The following ACVR2A variants were observed in gnomAD, a reference collection of about 807,000 sequenced individuals.
ACVR2A encodes activin receptor type-2A.
In ACVR2A, 7 loss-of-function variants were observed where a neutral mutation model predicts 61.4. That is an observed-to-expected ratio of 0.11 (90% CI 0.06 to 0.21). ACVR2A has a LOEUF of 0.21. Among genes scored for constraint, ACVR2A ranks in the 10% least tolerant of loss-of-function variants. ACVR2A has a pLI of 1.00. For synonymous variants in ACVR2A, 193 were observed against 208.3 expected (o/e 0.93, Z 0.63); for missense variants, 322 against 621.7 (o/e 0.52, Z 5.13).
At chr2:147,884,856 A>G (rs1458500004) in intron 1 of ACVR2A, among the ~76,000 whole-genome samples, 1 of 152,014 alleles carries the variant, frequency 6.6e-6, no homozygotes, top group African/African-American at 2.4e-5. Flanking sequence ...TTGTTTTCTG[A>G]TTAATCTTTA....
chr2:147,915,908 GTGTTT>G (rs1467333801), intron 5 of ACVR2A, among the ~76,000 whole-genome samples: 7 of 151,722 alleles, frequency 4.6e-5, no homozygotes, highest in Admixed American at 2.0e-4. Context: ...AGCTATTCTT[GTGTTT>G]TGTTTTGTTC....
rs1160442702 is a variant in ACVR2A at position 147,928,562 on chromosome 2, A to T, written c.*1288A>T. On this transcript the variant is annotated 3_prime_UTR_variant, in exon 11 of 11. Transcript: ENST00000241416. ...ACTGCTTTAAAACAAATCAGGGATA[A>T]CAAATTAAACGTATAACTTAAAATA... 1 of 152,300 alleles carries T rather than the reference A, an allele frequency of 6.6e-6. No homozygotes were observed. The highest frequency in any genetic ancestry group is 1.5e-5 in the Non-Finnish European group (1 of 67,920). 9.4% of individuals were successfully genotyped at this position (152,300 alleles called of 1,614,324 possible).
chr2:147,922,639 CAAAA>C (rs960128624), intron 8 of ACVR2A, among the ~76,000 whole-genome samples: 4 of 151,516 alleles, frequency 2.6e-5, no homozygotes, highest in Admixed American at 6.6e-5. Flanking sequence ...GAAAAGACCT[CAAAA>C]AAAGTTTTTT....
In ACVR2A at chr2:147,896,396, T is replaced by C; in HGVS notation, c.151T>C (p.Tyr51His). 1 of 1,614,010 alleles carries C rather than the reference T, an allele frequency of 6.2e-7. No individual in the cohort carries two copies. Among genetic ancestry groups the C allele is most frequent in the African/African-American group, 1.3e-5 (1 of 75,028 alleles). ...RTNQTGVEPC[Y>H]GDKDKRRHCF... ...CAATCAAACTGGTGTTGAACCGTGT[T>C]ATGGTGACAAAGATAAACGGCGGCA... is the stretch of plus-strand genomic sequence containing the variant. The change falls in exon 2 of 11, where the codon TAT becomes CAT. Residue 51 changes from tyrosine (Y) to histidine (H), a missense_variant. By Grantham distance (83) the Tyr-to-His change is moderately conservative (BLOSUM62 2). Around this residue, in one of 3 missense-constraint regions of ACVR2A, gnomAD observed 142 missense variants for 200.3 expected, o/e 0.71. Coordinates refer to ENST00000241416, the MANE Select transcript of ACVR2A (RefSeq NM_001616.5).
At chr2:147,866,674 G>C (rs1685863513) in intron 1 of ACVR2A, among the ~76,000 whole-genome samples, 1 of 152,146 alleles carries the variant, frequency 6.6e-6, no homozygotes, top group Non-Finnish European at 1.5e-5. Flanking sequence ...GCTAGCGAGT[G>C]TTAACTTCAT....
At chr2:147,845,798 C>T (rs1253547174) in intron 1 of ACVR2A, among the ~76,000 whole-genome samples, 1 of 152,192 alleles carries the variant, frequency 6.6e-6, no homozygotes, top group Non-Finnish European at 1.5e-5. Flanking sequence ...GGAGTATTAA[C>T]TATAACCCAG....
rs1573692107 is a variant in ACVR2A at position 147,899,801 on chromosome 2, T to C, written c.431T>C (p.Leu144Ser). 1 of 1,613,820 alleles carries C rather than the reference T, an allele frequency of 6.2e-7. No individual in the cohort carries two copies. The highest frequency in any genetic ancestry group is 1.1e-5 in the South Asian group (1 of 91,070). ...TATTACAACATCCTGCTCTATTCCT[T>C]GGTGCCACTTATGTTAATTGCGGGG... ...PPYYNILLYS[L>S]VPLMLIAGIV... The change falls in exon 4 of 11, where the codon TTG becomes TCG. Residue 144 changes from leucine (L) to serine (S), a missense_variant. Physicochemically the swap from Leu to Ser is moderately radical, Grantham distance 145 (BLOSUM62 -2). Around this residue, in one of 3 missense-constraint regions of ACVR2A, gnomAD observed 142 missense variants for 200.3 expected, o/e 0.71. Coordinates refer to ENST00000241416, the MANE Select transcript of ACVR2A (RefSeq NM_001616.5).
chr2:147,845,000 GTTTTTTTTTTTT>G (rs368783685), upstream of ACVR2A: 23 of 109,424 alleles, frequency 2.1e-4, no homozygotes, highest in Non-Finnish European at 2.9e-4. Context: ...CCCAGTGAGC[GTTTTTTTTTTTT>G]TTTTTTTTTT....
At chr2:147,882,543 G>T (rs1686330837) in intron 1 of ACVR2A, among the ~76,000 whole-genome samples, 1 of 152,148 alleles carries the variant, frequency 6.6e-6, no homozygotes, top group South Asian at 2.1e-4. Context: ...AACAGAGTGA[G>T]ACTCTGTCTC....
chr2:147,857,628 A>G (rs1685617121), intron 1 of ACVR2A, among the ~76,000 whole-genome samples: 2 of 151,880 alleles, frequency 1.3e-5, no homozygotes, highest in South Asian at 4.1e-4. Context: ...GGGTTGATAT[A>G]GTAGAAAGAG....
intron 1 of ACVR2A, among the ~76,000 whole-genome samples, chr2:147,852,429 C>A (rs143824995): frequency 3.4e-3 from 511 of 152,150 alleles, no homozygotes; most frequent in East Asian, 8.3e-3. Context: ...GTTCAACAAT[C>A]CTTATTTCCT....
At chr2:147,913,922 A>G (rs1487116855) in intron 4 of ACVR2A, among the ~76,000 whole-genome samples, 1 of 149,192 alleles carries the variant, frequency 6.7e-6, no homozygotes, top group Non-Finnish European at 1.5e-5. Flanking sequence ...TTCTAAAGCC[A>G]TTTTATAAAG....
intron 1 of ACVR2A, among the ~76,000 whole-genome samples, chr2:147,867,309 G>A (rs1410925480): frequency 2.0e-5 from 3 of 152,160 alleles, no homozygotes; most frequent in East Asian, 1.9e-4. Flanking sequence ...AGCCAGAGTC[G>A]AGATGTTTCT....
intron 1 of ACVR2A, among the ~76,000 whole-genome samples, chr2:147,866,873 T>C (rs980136006): frequency 6.6e-6 from 1 of 152,092 alleles, no homozygotes; most frequent in East Asian, 1.9e-4. Flanking sequence ...ATTCAGCCAA[T>C]AGATGTACAG....
chr2:147,867,836 C>T (rs1293878161), intron 1 of ACVR2A, among the ~76,000 whole-genome samples: 1 of 152,088 alleles, frequency 6.6e-6, no homozygotes, highest in African/African-American at 2.4e-5. Flanking sequence ...CACTCACTGC[C>T]TCCCACTTTA....
intron 1 of ACVR2A, among the ~76,000 whole-genome samples, chr2:147,858,133 G>A (rs993559877): frequency 6.6e-6 from 1 of 152,096 alleles, no homozygotes. Context: ...TGCGAAGGAC[G>A]TGCTCTCGTT....
At chr2:147,892,977 C>A (rs1380019456) in intron 1 of ACVR2A, among the ~76,000 whole-genome samples, 3 of 151,886 alleles carry the variant, frequency 2.0e-5, no homozygotes, top group South Asian at 4.2e-4. Flanking sequence ...ATATATGAAC[C>A]ATACATATTA....
chr2:147,848,423 CGG>C (rs1685369184), intron 1 of ACVR2A, among the ~76,000 whole-genome samples: 1 of 151,952 alleles, frequency 6.6e-6, no homozygotes, highest in Non-Finnish European at 1.5e-5. Context: ...CAACAGGGGA[CGG>C]GGTGTGCTAC....
rs536229513 is a variant in ACVR2A at position 147,926,264 on chromosome 2, G to A, written c.1347+103G>A. 1.2e-4 allele frequency: 174 copies of A among 1,409,736 alleles called. No individual in the cohort carries two copies. The African/African-American group carries it at 2.4e-3, about 19-fold the overall frequency. The allele number at this position is 1,409,736 out of a possible 1,614,324, so 87.3% of individuals were successfully genotyped here. A position where few individuals can be genotyped will look rare whatever the true frequency, so the allele number is the denominator to read the frequency against. On this transcript the variant is annotated intron_variant, in intron 10 of 10. Transcript: ENST00000241416. The stretch of plus-strand genomic sequence containing the variant: ...CTCTTTCTTCTGCAAGTATTTTCTG[G>A]AAGGTGATCTTCACACAGGATATTC...
Sources: allele counts gnomAD v4.1 joint callset (sites outside exome capture counted in the v4.1 genomes callset), GRCh38; gene constraint gnomAD v4.1.1; regional missense constraint gnomAD v4.1.1; transcripts MANE v1.5; gene names NCBI Gene and HGNC (gene_info 2026-07-23, HGNC 2026-07-21).